TMEM232: variants seen among roughly 807,000 people sequenced by gnomAD.
TMEM232 encodes transmembrane protein 232.
Under a neutral mutation model 78.8 loss-of-function variants are expected in TMEM232, and 80 were observed. That is an observed-to-expected ratio of 1.01 (90% CI 0.85 to 1.22). The LOEUF (loss-of-function observed/expected upper bound fraction) is 1.22. Among genes scored for constraint, TMEM232 ranks in the 50% most tolerant of loss-of-function variants. The probability of loss-of-function intolerance (pLI) is 0.00; values close to 1 mark genes in which losing one functional copy is unlikely to be tolerated. For synonymous variants in TMEM232, 297 were observed against 254.3 expected (o/e 1.17, Z -1.60); for missense variants, 881 against 742.2 (o/e 1.19, Z -2.17).
chr5:110,700,205 C>A (rs1382841882), intron 1 of TMEM232, among the ~76,000 whole-genome samples: 1 of 151,912 alleles, frequency 6.6e-6, no homozygotes, highest in Non-Finnish European at 1.5e-5. Flanking sequence ...TAAACAGGAC[C>A]AAATGAAACT....
In TMEM232 at chr5:110,708,815, G is replaced by A. The variant is rs1403179386; in HGVS notation, c.-13+17812C>T. Among the ~76,000 whole-genome samples the A allele has an allele frequency of 2.0e-5, 3 of 151,926 alleles. No individual in the cohort carries two copies. The South Asian group carries it at 6.3e-4, about 32-fold the overall frequency. ...AAATAAATAAAAACAAAGACAGGAA[G>A]AAAGGAAAGAGGGAACAGAAGACCG... is the stretch of plus-strand genomic sequence containing the variant. On this transcript the variant is annotated intron_variant, in intron 1 of 13. Transcript: ENST00000455884.
intron 11 of TMEM232, among the ~76,000 whole-genome samples, chr5:110,532,886 A>C (rs1049651279): frequency 1.3e-5 from 2 of 152,206 alleles, no homozygotes; most frequent in Non-Finnish European, 2.9e-5. Context: ...CGCTTGCTAC[A>C]GCATGGCCTT....
intron 2 of TMEM232, among the ~76,000 whole-genome samples, chr5:110,662,673 A>G (rs1387488524): frequency 6.6e-6 from 1 of 152,170 alleles, no homozygotes; most frequent in East Asian, 1.9e-4. Flanking sequence ...AGAGCAGATA[A>G]GCATATCAAT....
At chr5:110,679,871 C>T (rs1561502535) in intron 1 of TMEM232, among the ~76,000 whole-genome samples, 1 of 152,020 alleles carries the variant, frequency 6.6e-6, no homozygotes, top group East Asian at 1.9e-4. Context: ...TGATTTTTGG[C>T]TGTCTTTTTA....
intron 12 of TMEM232, among the ~76,000 whole-genome samples, chr5:110,470,959 G>T (rs1006774590): frequency 4.6e-5 from 7 of 152,084 alleles, no homozygotes; most frequent in Non-Finnish European, 8.8e-5. Flanking sequence ...AACTCAGTGA[G>T]ATACAAGATA....
At chr5:110,478,175 C>T (rs1046220574) in intron 12 of TMEM232, among the ~76,000 whole-genome samples, 2 of 151,884 alleles carry the variant, frequency 1.3e-5, no homozygotes, top group African/African-American at 4.8e-5. Context: ...TCATCAACAT[C>T]GACCCAGTTT....
At chr5:110,729,799 C>T (rs1279272531), upstream of TMEM232, among the ~76,000 whole-genome samples, 1 of 152,136 alleles carries the variant, frequency 6.6e-6, no homozygotes, top group Non-Finnish European at 1.5e-5. Context: ...CCTTGACTTA[C>T]AGCCTTCCAT....
chr5:110,513,012 G>A (rs188714141), intron 12 of TMEM232, among the ~76,000 whole-genome samples: 97 of 152,284 alleles, frequency 6.4e-4, no homozygotes, highest in African/African-American at 2.2e-3. Context: ...ATAAAGCTAT[G>A]GCAGTGAAAG....
chr5:110,389,013 C>A (rs1025487579), intron 4 of TMEM232, among the ~76,000 whole-genome samples: 7 of 152,106 alleles, frequency 4.6e-5, no homozygotes, highest in Admixed American at 3.9e-4. Flanking sequence ...GTAATCCCAG[C>A]ACTTTGGGAA....
intron 11 of TMEM232, among the ~76,000 whole-genome samples, chr5:110,535,025 C>A (rs1772112592): frequency 6.6e-6 from 1 of 152,084 alleles, no homozygotes; most frequent in Non-Finnish European, 1.5e-5. Flanking sequence ...GAAACATCAC[C>A]CATTATCTCT....
intron 10 of TMEM232, among the ~76,000 whole-genome samples, chr5:110,593,683 G>C (rs191872567): frequency 1.3e-5 from 2 of 152,062 alleles, no homozygotes; most frequent in Non-Finnish European, 2.9e-5. Context: ...AGGGCAATAG[G>C]GTGATGAGGA....
intron 10 of TMEM232, 29 bp downstream of exon 10, chr5:110,605,080 C>G: frequency 6.7e-7 from 1 of 1,496,886 alleles, no homozygotes. Flanking sequence ...AAAAATATTA[C>G]TCATCAAAGT....
At chr5:110,485,591 A>G (rs1764373785) in intron 12 of TMEM232, among the ~76,000 whole-genome samples, 1 of 152,168 alleles carries the variant, frequency 6.6e-6, no homozygotes, top group African/African-American at 2.4e-5. Flanking sequence ...TGCTTCACTT[A>G]GAATAATAGT....
At chr5:110,599,077 A>T (rs1392798911) in intron 10 of TMEM232, among the ~76,000 whole-genome samples, 1 of 152,160 alleles carries the variant, frequency 6.6e-6, no homozygotes, top group East Asian at 1.9e-4. Flanking sequence ...AATTTGCTTC[A>T]TAAGTGAAGG....
At chr5:110,458,206 C>G (rs1219372833) in intron 12 of TMEM232, among the ~76,000 whole-genome samples, 1 of 151,840 alleles carries the variant, frequency 6.6e-6, no homozygotes, top group Non-Finnish European at 1.5e-5. Flanking sequence ...CCTCTCTTCT[C>G]TACCCCTCAC....
chr5:110,627,667 C>T lies in TMEM232; in HGVS notation c.601+114G>A, dbSNP rs748533097. ...TGAAGCTGTGCTCTTCAACACTGCA[C>T]CTATTATCTTTTATGAAAAATAAAA... is the stretch of plus-strand genomic sequence containing the variant. On this transcript the variant is annotated intron_variant, in intron 6 of 13. Coordinates refer to ENST00000455884, the MANE Select transcript of TMEM232 (RefSeq NM_001039763.4). 9.6e-6 allele frequency: 7 copies of T among 726,536 alleles called. No homozygotes were observed. In the Admixed American group the frequency reaches 1.9e-4, roughly 19 times the overall value. The allele number at this position is 726,536 out of a possible 1,614,324, so 45.0% of individuals were successfully genotyped here. A position where few individuals can be genotyped will look rare whatever the true frequency, so the allele number is the denominator to read the frequency against.
chr5:110,470,575 C>T (rs1340668106), intron 12 of TMEM232, among the ~76,000 whole-genome samples: 6 of 152,108 alleles, frequency 3.9e-5, no homozygotes, highest in Non-Finnish European at 5.9e-5. Context: ...TAAACTCTTG[C>T]CACTGAGGAC....
At chr5:110,674,630 G>A (rs950768187) in intron 1 of TMEM232, among the ~76,000 whole-genome samples, 3 of 152,212 alleles carry the variant, frequency 2.0e-5, no homozygotes, top group Non-Finnish European at 4.4e-5. Flanking sequence ...TATTTCATCT[G>A]TTGGCTGTAG....
At position 110,625,262 on chromosome 5, in the gene TMEM232, C is replaced by T. The variant is rs1218737257; in HGVS notation, c.768+5G>A. 9 of 1,523,512 alleles carry T rather than the reference C, an allele frequency of 5.9e-6. No individual in the cohort carries two copies. The Admixed American group carries it at 1.1e-4, about 18-fold the overall frequency. 94.4% of individuals were successfully genotyped at this position (1,523,512 alleles called of 1,614,324 possible). A position where few individuals can be genotyped will look rare whatever the true frequency, so the allele number is the denominator to read the frequency against. On this transcript the variant is annotated splice_donor_5th_base_variant and intron_variant, in intron 7 of 13. Coordinates refer to ENST00000455884, the MANE Select transcript of TMEM232 (RefSeq NM_001039763.4). ...AGGATATACCCACCATACCAGATTA[C>T]TCACCATATCAGAATCTGTGTTCTC...
Sources: allele counts gnomAD v4.1 joint callset (sites outside exome capture counted in the v4.1 genomes callset), GRCh38; gene constraint gnomAD v4.1.1; transcripts MANE v1.5; gene names NCBI Gene and HGNC (gene_info 2026-07-23, HGNC 2026-07-21).